The following PPP1R42 variants were observed in gnomAD, a reference collection of about 807,000 sequenced individuals.
PPP1R42 encodes the protein leucine rich repeat containing 67.
In PPP1R42, 34 loss-of-function variants were observed where a neutral mutation model predicts 31.0. The ratio of observed to expected loss-of-function variants is 1.10; its 90% confidence interval spans 0.83 to 1.46. PPP1R42 has a LOEUF of 1.46. Among genes scored for constraint, PPP1R42 ranks in the 40% most tolerant of loss-of-function variants. PPP1R42 has a pLI of 0.00. For missense variants in PPP1R42, 268 were observed against 303.0 expected, an observed-to-expected ratio of 0.88 and a Z score of 0.86; for synonymous variants, 103 against 109.8, an observed-to-expected ratio of 0.94 and a Z score of 0.39.
intron 6 of PPP1R42, chr8:66,984,134 C>T (rs1432189874): frequency 2.5e-6 from 4 of 1,589,434 alleles, no homozygotes; most frequent in Non-Finnish European, 3.4e-6. Flanking sequence ...GCAGTAGTCT[C>T]AATCAGTGGA....
chr8:66,967,698 A>G (rs967312109), intron 7 of PPP1R42, among the ~76,000 whole-genome samples: 3 of 152,240 alleles, frequency 2.0e-5, no homozygotes, highest in African/African-American at 7.2e-5. Context: ...AATAATATAC[A>G]GTGAATATTT....
At chr8:67,003,389 C>CTTTTTT (rs5892069) in intron 5 of PPP1R42, among the ~76,000 whole-genome samples, 9 of 32,900 alleles carry the variant, frequency 2.7e-4, no homozygotes, top group East Asian at 8.3e-4. Flanking sequence ...TTTCATGCTT[C>CTTTTTT]TTTTTTTTTT....
At chr8:67,018,753 C>T (rs1375910999) in intron 1 of PPP1R42, among the ~76,000 whole-genome samples, 1 of 149,156 alleles carries the variant, frequency 6.7e-6, no homozygotes, top group African/African-American at 2.5e-5. Flanking sequence ...CCTTGAGATC[C>T]GCCCACCTCG....
intron 4 of PPP1R42, among the ~76,000 whole-genome samples, chr8:67,012,287 A>G (rs554764183): frequency 6.6e-6 from 1 of 152,282 alleles, no homozygotes; most frequent in Non-Finnish European, 1.5e-5. Flanking sequence ...AACAACTACC[A>G]TGTCCCATTT....
In PPP1R42 at chr8:66,987,287, C is replaced by CTTTT. The variant is rs71249412; in HGVS notation, c.670+1109_670+1112dup. Among the ~76,000 whole-genome samples the CTTTT allele has an allele frequency of 3.7e-4, 39 of 106,004 alleles. 1 individual carries two copies. Among genetic ancestry groups the CTTTT allele is most frequent in the Non-Finnish European group, 4.8e-4 (26 of 53,760 alleles). The allele number at this position is 106,004 out of a possible 152,430, so 69.5% of individuals were successfully genotyped here. On this transcript the variant is annotated intron_variant, in intron 6 of 7. Transcript: ENST00000685739. ...CTCCATCTCATTTTTAGCAAATGAT[C>CTTTT]TTTTTTTTTTTTTTTTTTTTTTGAG...
At chr8:67,007,826 A>AC (rs1815730768) in intron 5 of PPP1R42, among the ~76,000 whole-genome samples, 1 of 151,296 alleles carries the variant, frequency 6.6e-6, no homozygotes, top group African/African-American at 2.4e-5. Flanking sequence ...TGTTCAAGCA[A>AC]CCCTTATTTC....
In PPP1R42 at chr8:66,965,085, G is replaced by A. The variant is rs183678130; in HGVS notation, c.803-751C>T. Among the ~76,000 whole-genome samples, 400 of 152,158 alleles carry A rather than the reference G, an allele frequency of 2.6e-3. 1 individual carries two copies. Among genetic ancestry groups the A allele is most frequent in the South Asian group, 8.5e-3 (41 of 4,824 alleles). ...TTCTTTCACTTAGCATAATGCTTTTGAGATCCATGTTGTTGAGTGTATCAC... is the reference window on the plus strand; with the variant it reads ...TTCTTTCACTTAGCATAATGCTTTTAAGATCCATGTTGTTGAGTGTATCAC... On this transcript the variant is annotated intron_variant, in intron 7 of 7. Transcript: ENST00000685739.
chr8:66,991,721 C>T (rs1346897173), intron 5 of PPP1R42, among the ~76,000 whole-genome samples: 1 of 152,212 alleles, frequency 6.6e-6, no homozygotes, highest in Non-Finnish European at 1.5e-5. Context: ...GGGATCTTCT[C>T]TCCCTTCCAT....
At chr8:67,017,852 G>A (rs1816063670) in intron 1 of PPP1R42, 21 bp from the exon 2 acceptor site, 2 of 1,256,358 alleles carry the variant, frequency 1.6e-6, no homozygotes, top group Non-Finnish European at 2.1e-6. Context: ...AAGAAAAAAG[G>A]AGCATTATGA....
intron 5 of PPP1R42, among the ~76,000 whole-genome samples, chr8:66,995,612 C>A (rs1490934031): frequency 6.6e-6 from 1 of 152,264 alleles, no homozygotes; most frequent in South Asian, 2.1e-4. Flanking sequence ...GTAAATAAAT[C>A]AAAATTCCTT....
At chr8:66,985,737 G>A in intron 6 of PPP1R42, 1 of 1,273,572 alleles carries the variant, frequency 7.9e-7, no homozygotes, top group Non-Finnish European at 1.1e-6. Flanking sequence ...GTGTAGGGGG[G>A]CTAATGAAGC....
Position 66,982,141 on chromosome 8 carries a change from T to G in PPP1R42, c.710A>C (p.Gln237Pro), listed in dbSNP as rs1166857148. The G allele has an allele frequency of 7.5e-6, 11 of 1,468,526 alleles. No homozygotes were observed. Among genetic ancestry groups the G allele is most frequent in the Non-Finnish European group, 9.8e-6 (11 of 1,122,964 alleles). The allele number at this position is 1,468,526 out of a possible 1,614,324, so 91.0% of individuals were successfully genotyped here. ...GGATGCTTTCCAATTCATTAGGAAT[T>G]GTCTTTCTATATTTTTAATTTCTTT... ...DGKEIKNIER[Q>P]FLMNWKASKD... The change falls in exon 7 of 8, where the codon CAA becomes CCA. Residue 237 changes from glutamine (Q) to proline (P), a missense_variant. Physicochemically the swap from Gln to Pro is moderately conservative, Grantham distance 76. Transcript: ENST00000685739.
Position 66,988,479 on chromosome 8 carries a change from C to T in PPP1R42, c.591G>A (p.Trp197Ter). Residue 197 changes from tryptophan (W) to a stop codon, truncating the protein, a stop_gained, in exon 6 of 8, where the codon TGG becomes TGA. Coordinates refer to ENST00000685739, the MANE Select transcript of PPP1R42 (RefSeq NM_001364910.1). LOFTEE classifies it high-confidence loss of function. ...CAGGATTTCCATTTAGATCAATTTT[C>T]CACAGCTTCATCAACTTGTTCAGTA... ...EFLLNKLMKL[W>*]KIDLNGNPVC... 1.2e-6 allele frequency: 2 copies of T among 1,611,446 alleles called. No individual in the cohort carries two copies. Among genetic ancestry groups the T allele is most frequent in the South Asian group, 1.1e-5 (1 of 90,624 alleles).
intron 1 of PPP1R42, among the ~76,000 whole-genome samples, chr8:67,023,894 CA>C (rs1816300022): frequency 1.3e-5 from 2 of 151,410 alleles, no homozygotes; most frequent in Admixed American, 1.3e-4. Flanking sequence ...CCTGTAATCC[CA>C]GCACTTTGGG....
Position 67,014,465 on chromosome 8 carries a change from C to T in PPP1R42, c.257G>A (p.Cys86Tyr), listed in dbSNP as rs756985426. 2.5e-6 allele frequency: 4 copies of T among 1,581,842 alleles called. No individual in the cohort carries two copies. The highest frequency in any genetic ancestry group is 2.7e-5 in the African/African-American group (2 of 73,394). ...CTTTAATGACCTGAGGTTCTCTATA[C>T]ATGAAATACAATTGTTTTGTAGGTA... is the stretch of plus-strand genomic sequence containing the variant. ...HLYLQNNCIS[C>Y]IENLRSLKKL... is the part of the protein sequence containing the mutation. Residue 86 changes from cysteine to tyrosine, a missense_variant, in exon 3 of 8, where the codon TGT becomes TAT. By Grantham distance (194) the Cys-to-Tyr change is radical. Coordinates refer to ENST00000685739, the MANE Select transcript of PPP1R42 (RefSeq NM_001364910.1).
chr8:66,974,446 C>T (rs989759586), intron 7 of PPP1R42, among the ~76,000 whole-genome samples: 1 of 151,836 alleles, frequency 6.6e-6, no homozygotes, highest in Non-Finnish European at 1.5e-5. Flanking sequence ...CTCAGCTACT[C>T]GGGAGGCTGA....
At chr8:67,027,847 C>T (rs1816449037) in intron 1 of PPP1R42, among the ~76,000 whole-genome samples, 1 of 152,104 alleles carries the variant, frequency 6.6e-6, no homozygotes, top group Non-Finnish European at 1.5e-5. Flanking sequence ...ACTCCTCTTA[C>T]TAGATCTCTC....
At position 66,984,140 on chromosome 8, in the gene PPP1R42, G is replaced by A; in HGVS notation, c.671-1960C>T. ...CAAGGGCTTGCAGTAGTCTCAATCAGTGGACTCTACACAGATTCACTCAGC... is the reference window on the plus strand; with the variant it reads ...CAAGGGCTTGCAGTAGTCTCAATCAATGGACTCTACACAGATTCACTCAGC... On this transcript the variant is annotated intron_variant, in intron 6 of 7. Transcript: ENST00000685739. 5 of 1,590,770 alleles carry A rather than the reference G, an allele frequency of 3.1e-6. No homozygotes were observed. In the Admixed American group the frequency reaches 8.4e-5, roughly 27 times the overall value.
At chr8:66,976,689 T>C (rs1351537838) in intron 7 of PPP1R42, among the ~76,000 whole-genome samples, 1 of 152,164 alleles carries the variant, frequency 6.6e-6, no homozygotes, top group Non-Finnish European at 1.5e-5. Context: ...TTATTTCACT[T>C]AACATAATGT....
Sources: gnomAD v4.1 joint callset for allele counts (sites outside exome capture counted in the v4.1 genomes callset) on GRCh38, gnomAD v4.1.1 for gene constraint, MANE v1.5 for transcripts, NCBI Gene and HGNC (gene_info 2026-07-23, HGNC 2026-07-21) for gene names.